THSD4: variants seen among roughly 807,000 people sequenced by gnomAD.
The protein encoded by THSD4 is thrombospondin type 1 domain containing 4, also known as thrombospondin type-1 domain-containing protein 4.
THSD4 carries 69 observed loss-of-function variants against 119.0 expected under a neutral mutation model. That is an observed-to-expected ratio of 0.58 (90% confidence interval 0.48 to 0.71). THSD4 has a LOEUF of 0.71. Among genes scored for constraint, THSD4 ranks in the 30% least tolerant of loss-of-function variants. The pLI is 0.00. For synonymous variants in THSD4, 524 were observed against 540.4 expected, an observed-to-expected ratio of 0.97 and a Z score of 0.42; for missense variants, 1,393 against 1,391.1, an observed-to-expected ratio of 1.00 and a Z score of -0.02.
chr15:71,639,622 G>GT (rs1348156685), intron 7 of THSD4, among the ~76,000 whole-genome samples: 1 of 152,190 alleles, frequency 6.6e-6, no homozygotes, highest in Non-Finnish European at 1.5e-5. Context: ...GCCTTTAGAT[G>GT]TAACAACACA....
At chr15:71,411,635 A>G in intron 6 of THSD4, 52 bp from the exon 7 acceptor site, 1 of 1,539,220 alleles carries the variant, frequency 6.5e-7, no homozygotes, top group South Asian at 1.2e-5. Flanking sequence ...CACAGAGATG[A>G]TATTGCTTAT....
At position 71,427,747 on chromosome 15, in the gene THSD4, A is replaced by T. The variant is rs2046892413; in HGVS notation, c.1152+15924A>T. Reference sequence around the variant, plus strand: ...GGTATGCACACTTCTTTCTGAACACATGCTGGCTTCAGTAATGGGAAACCC... The same window carrying T: ...GGTATGCACACTTCTTTCTGAACACTTGCTGGCTTCAGTAATGGGAAACCC... On this transcript the variant is annotated intron_variant, in intron 7 of 17. Transcript: ENST00000261862. Among the ~76,000 whole-genome samples, 2 of 151,806 alleles carry T rather than the reference A, an allele frequency of 1.3e-5. 1 individual carries two copies. The highest frequency in any genetic ancestry group is 4.2e-4 in the South Asian group (2 of 4,774).
chr15:71,376,483 C>T (rs2046138141), intron 6 of THSD4, among the ~76,000 whole-genome samples: 1 of 152,164 alleles, frequency 6.6e-6, no homozygotes, highest in Non-Finnish European at 1.5e-5. Flanking sequence ...AGACCACCAA[C>T]CCTTGTTCTG....
chr15:71,379,450 CTTTTTTTTTTTTTTTT>C (rs34326932), intron 6 of THSD4, among the ~76,000 whole-genome samples: 1 of 77,562 alleles, frequency 1.3e-5, no homozygotes, highest in Non-Finnish European at 2.4e-5. Context: ...CAAATGGCTT[CTTTTTTTTTTTTTTTT>C]TTTTTTTTTT....
At chr15:71,201,207 G>A (rs901559985) in intron 3 of THSD4, among the ~76,000 whole-genome samples, 3 of 151,958 alleles carry the variant, frequency 2.0e-5, no homozygotes, top group Admixed American at 6.6e-5. Context: ...ACCCCGTGTT[G>A]TAGAAGAAAG....
intron 7 of THSD4, among the ~76,000 whole-genome samples, chr15:71,611,659 A>T (rs546593506): frequency 2.0e-4 from 30 of 152,382 alleles, no homozygotes; most frequent in African/African-American, 7.2e-4. Flanking sequence ...TGCAGAGAAC[A>T]GAGAAGGATT....
chr15:71,200,679 A>G (rs2043796356), intron 3 of THSD4, among the ~76,000 whole-genome samples: 1 of 152,176 alleles, frequency 6.6e-6, no homozygotes, highest in Non-Finnish European at 1.5e-5. Flanking sequence ...GGATTTAGTT[A>G]ATGCTTTCAG....
chr15:71,408,714 T>G (rs535424898), intron 6 of THSD4, among the ~76,000 whole-genome samples: 4 of 152,078 alleles, frequency 2.6e-5, no homozygotes, highest in African/African-American at 9.6e-5. Flanking sequence ...TAGCTGGGTG[T>G]GGTGGTGCAT....
intron 7 of THSD4, among the ~76,000 whole-genome samples, chr15:71,494,633 G>T (rs914912008): frequency 2.7e-5 from 4 of 150,524 alleles, no homozygotes; most frequent in African/African-American, 9.8e-5. Context: ...TTTCTTTTAA[G>T]TTCTGTTTCA....
At chr15:71,168,945 A>G (rs2043323460) in intron 3 of THSD4, among the ~76,000 whole-genome samples, 1 of 152,254 alleles carries the variant, frequency 6.6e-6, no homozygotes. Flanking sequence ...ATCAGTAACC[A>G]TAAAATTGTA....
At chr15:71,696,373 G>A (rs922299177) in intron 8 of THSD4, among the ~76,000 whole-genome samples, 13 of 152,030 alleles carry the variant, frequency 8.6e-5, no homozygotes, top group African/African-American at 3.1e-4. Flanking sequence ...TTTACACTAG[G>A]ACTAATACAA....
At chr15:71,509,063 C>T (rs1389902061) in intron 7 of THSD4, among the ~76,000 whole-genome samples, 1 of 151,678 alleles carries the variant, frequency 6.6e-6, no homozygotes, top group Non-Finnish European at 1.5e-5. Flanking sequence ...AAGCAGTCCT[C>T]CATGGGTTTA....
intron 2 of THSD4, among the ~76,000 whole-genome samples, chr15:71,142,786 G>A (rs1490914779): frequency 2.0e-5 from 3 of 152,186 alleles, no homozygotes; most frequent in Non-Finnish European, 4.4e-5. Context: ...AAGGAAGAAC[G>A]TTTTGTTTCC....
intron 7 of THSD4, among the ~76,000 whole-genome samples, chr15:71,469,386 C>T (rs1315290384): frequency 1.3e-5 from 2 of 152,154 alleles, no homozygotes; most frequent in Non-Finnish European, 2.9e-5. Context: ...GATTTTCCAG[C>T]TCTCAGAATG....
intron 4 of THSD4, among the ~76,000 whole-genome samples, chr15:71,227,239 A>G (rs1219922745): frequency 6.6e-6 from 1 of 152,210 alleles, no homozygotes; most frequent in Non-Finnish European, 1.5e-5. Context: ...TTCATTAGTT[A>G]TCAGAACAAA....
At chr15:71,475,671 T>C (rs374271833) in intron 7 of THSD4, among the ~76,000 whole-genome samples, 5 of 152,280 alleles carry the variant, frequency 3.3e-5, no homozygotes, top group African/African-American at 1.2e-4. Flanking sequence ...GCCTTTAGTC[T>C]TAGTGCTTTG....
intron 16 of THSD4, chr15:71,767,801 T>A (rs1159491027): frequency 1.3e-5 from 2 of 152,098 alleles, no homozygotes; most frequent in Non-Finnish European, 2.9e-5. Context: ...TATATGTAAG[T>A]TAGGTTGGGA....
intron 6 of THSD4, among the ~76,000 whole-genome samples, chr15:71,256,917 G>A (rs2044324351): frequency 1.3e-5 from 2 of 152,106 alleles, no homozygotes; most frequent in South Asian, 2.1e-4. Flanking sequence ...GACCATCTTC[G>A]GCATGAGTCA....
At chr15:71,327,115 C>T (rs569186779) in intron 6 of THSD4, among the ~76,000 whole-genome samples, 3 of 151,990 alleles carry the variant, frequency 2.0e-5, no homozygotes, top group Middle Eastern at 3.4e-3. Context: ...TGTGGTGAGC[C>T]GAGGTCACAC....
Sources: gnomAD v4.1 joint callset for allele counts (sites outside exome capture counted in the v4.1 genomes callset) on GRCh38, gnomAD v4.1.1 for gene constraint, MANE v1.5 for transcripts, NCBI Gene and HGNC (gene_info 2026-07-23, HGNC 2026-07-21) for gene names.